PSG11: variants seen among roughly 807,000 people sequenced by gnomAD.
PSG11 encodes pregnancy-specific beta-1-glycoprotein 11.
PSG11 carries 42 observed loss-of-function variants against 36.0 expected under a neutral mutation model. The ratio of observed to expected loss-of-function variants is 1.17; its 90% CI spans 0.91 to 1.51. The LOEUF (loss-of-function observed/expected upper bound fraction) is 1.51. Ranked by LOEUF, PSG11 falls within the 40% of genes most tolerant of loss-of-function variation. The pLI, the probability that PSG11 is intolerant of heterozygous loss-of-function variation, is 0.00. For synonymous variants in PSG11, 206 were observed against 153.5 expected, an observed-to-expected ratio of 1.34 and a Z score of -2.53; for missense variants, 558 against 403.5, an observed-to-expected ratio of 1.38 and a Z score of -3.28.
chr19:43,010,951 G>C (rs1974062463), intron 4 of PSG11, among the ~76,000 whole-genome samples: 1 of 149,884 alleles, frequency 6.7e-6, no homozygotes, highest in Non-Finnish European at 1.5e-5. Flanking sequence ...CACTTCCTAT[G>C]TGCCAGGCCC....
rs145783842 is a variant in PSG11 at position 43,023,552 on chromosome 19, A to G, written c.430+1139T>C. On this transcript the variant is annotated intron_variant, in intron 2 of 5. Coordinates refer to ENST00000320078, the MANE Select transcript of PSG11 (RefSeq NM_002785.3). The stretch of plus-strand genomic sequence containing the variant: ...AGCAGGTGATTTAGTTCTGGAGTAT[A>G]GACTAATCAGCTGACCATTTGCTCT... 3.2e-4 allele frequency among the ~76,000 whole-genome samples: 49 copies of G among 151,316 alleles called. 1 individual carries two copies. Among genetic ancestry groups the G allele is most frequent in the Admixed American group, 4.6e-4 (7 of 15,160 alleles).
chr19:43,023,369 A>G (rs1967151419), intron 2 of PSG11, among the ~76,000 whole-genome samples: 1 of 150,920 alleles, frequency 6.6e-6, no homozygotes, highest in Non-Finnish European at 1.5e-5. Context: ...GTGCTGGTGT[A>G]GGGAGTGAGT....
At position 43,018,806 on chromosome 19, in the gene PSG11, C is replaced by T. The variant is rs1451915208; in HGVS notation, c.673G>A (p.Ala225Thr). Residue 225 changes from alanine to threonine, a missense_variant, in exon 3 of 6, where the codon GCC (alanine) becomes ACC (threonine). Physicochemically the swap from Ala to Thr is moderately conservative, Grantham distance 58. Transcript: ENST00000320078. Reference protein sequence around the residue: ...YECEIWNSGSASRSDPVTLNL... With the variant: ...YECEIWNSGSTSRSDPVTLNL... ...AGGGTGACTGGGTCACTGCGGCTGGCACTCCCTGAGTTCCATATTTCACAT... is the reference window on the plus strand; with the variant it reads ...AGGGTGACTGGGTCACTGCGGCTGGTACTCCCTGAGTTCCATATTTCACAT... The T allele has an allele frequency of 5.0e-6, 8 of 1,611,938 alleles. No homozygotes were observed. Among genetic ancestry groups the T allele is most frequent in the African/African-American group, 2.7e-5 (2 of 74,420 alleles).
rs548964691 is a variant in PSG11, at chr19:43,009,818, C to T, written c.*40+140G>A. The T allele has an allele frequency of 3.8e-4, 253 of 668,012 alleles. 4 individuals carry two copies. The East Asian group carries it at 5.1e-3, about 13-fold the overall frequency. 41.4% of individuals were successfully genotyped at this position (668,012 alleles called of 1,614,324 possible). ...TAAAGGCCAGGGAGAAAGGGAACTG[C>T]AGGAATTAGTGCTGAGAAGCAGGAG... On this transcript the variant is annotated intron_variant, in intron 5 of 5. Transcript: ENST00000320078.
intron 5 of PSG11, among the ~76,000 whole-genome samples, chr19:43,009,201 A>T (rs1191599765): frequency 1.3e-5 from 2 of 151,386 alleles, no homozygotes; most frequent in African/African-American, 4.9e-5. Flanking sequence ...GATCTCAACC[A>T]CACATAGGTT....
chr19:43,007,790 A>T lies in PSG11; in HGVS notation c.*293T>A, dbSNP rs1202417831. Reference sequence around the variant, plus strand: ...AAAAGTATACTTTACCAATTGCTGAAGAAAAAAATTCATAAATCTGGAGGA... The same window carrying T: ...AAAAGTATACTTTACCAATTGCTGATGAAAAAAATTCATAAATCTGGAGGA... On this transcript the variant is annotated 3_prime_UTR_variant, in exon 6 of 6. Transcript: ENST00000320078. 2.2e-5 allele frequency: 6 copies of T among 278,820 alleles called. No individual in the cohort carries two copies. The highest frequency in any genetic ancestry group is 2.8e-5 in the Non-Finnish European group (4 of 141,668). 17.3% of individuals were successfully genotyped at this position (278,820 alleles called of 1,614,324 possible). A position where few individuals can be genotyped will look rare whatever the true frequency, so the allele number is the denominator to read the frequency against.
chr19:43,025,010 C>T lies in PSG11; in HGVS notation c.111G>A (p.Met37Ile). 2 of 1,611,048 alleles carry T rather than the reference C, an allele frequency of 1.2e-6. No homozygotes were observed. Among genetic ancestry groups the T allele is most frequent in the Non-Finnish European group, 1.7e-6 (2 of 1,178,450 alleles). The change falls in exon 2 of 6, where the codon ATG (methionine) becomes ATA (isoleucine). Residue 37 changes from methionine (M) to isoleucine (I), a missense_variant. By Grantham distance (10) the Met-to-Ile change is conservative. Transcript: ENST00000320078. Reference protein sequence around the residue: ...FWNLPTTAQVMIEAQPPKVSE... With the variant: ...FWNLPTTAQVIIEAQPPKVSE... ...ACACTTTGGGTGGCTGGGCTTCAAT[C>T]ATGACTTGGGCAGTGGTAGGCAAGT...
chr19:43,010,103 C>G (rs568929057), intron 4 of PSG11, 62 bp from the exon 5 acceptor site: 2 of 1,562,908 alleles, frequency 1.3e-6, no homozygotes, highest in Non-Finnish European at 1.8e-6. Context: ...GGGGGAGCGT[C>G]AGGAACAAGC....
At chr19:43,025,224 G>T (rs1167816534) in intron 1 of PSG11, 168 bp from the exon 2 acceptor site, 2 of 1,189,126 alleles carry the variant, frequency 1.7e-6, no homozygotes, top group Non-Finnish European at 2.3e-6. Context: ...ATGTGTGTTT[G>T]TGTATGTGTA....
intron 5 of PSG11, among the ~76,000 whole-genome samples, chr19:43,008,370 T>C (rs1407550269): frequency 1.3e-5 from 2 of 151,210 alleles, no homozygotes; most frequent in Non-Finnish European, 2.9e-5. Context: ...CCTCCCGGGT[T>C]CATGCCATTC....
intron 1 of PSG11, among the ~76,000 whole-genome samples, chr19:43,025,916 CT>C (rs747657112): frequency 0.054 from 3,346 of 62,132 alleles, 208 homozygotes; most frequent in African/African-American, 0.19. Context: ...GCCTTCTTTC[CT>C]TTTTTTTTTT....
rs182878313 is a variant in PSG11, at chr19:43,007,980, G to A, written c.*103C>T. The A allele has an allele frequency of 9.5e-5, 38 of 401,618 alleles. 1 individual carries two copies. In the Admixed American group the frequency reaches 1.4e-3, roughly 15 times the overall value. The allele number at this position is 401,618 out of a possible 1,614,324, so 24.9% of individuals were successfully genotyped here. On this transcript the variant is annotated 3_prime_UTR_variant, in exon 6 of 6. Coordinates refer to ENST00000320078, the MANE Select transcript of PSG11 (RefSeq NM_002785.3). The stretch of plus-strand genomic sequence containing the variant: ...TTGAAAGTTCTTAGTCCAGTGGTAT[G>A]ATCTTGAAGTTATCAGGAACTTGTA...
intron 4 of PSG11, among the ~76,000 whole-genome samples, chr19:43,013,305 T>G (rs1362475627): frequency 4.0e-5 from 6 of 151,326 alleles, no homozygotes; most frequent in African/African-American, 1.5e-4. Context: ...AAGAACATTA[T>G]CAAGAAAGTA....
rs373996628 is a variant in PSG11, at chr19:43,019,079, G to A, written c.431-31C>T. ...CAGAAAACAGAGAGAAGATTGCCCT[G>A]TGTGGCACCTTTGATTCCTCCAAAG... On this transcript the variant is annotated intron_variant, in intron 2 of 5. Transcript: ENST00000320078. 3.1e-6 allele frequency: 5 copies of A among 1,599,922 alleles called. 1 individual carries two copies. In the South Asian group the frequency reaches 4.5e-5, roughly 14 times the overall value.
chr19:43,015,690 G>C lies in PSG11; in HGVS notation c.710-320C>G. 1.9e-6 allele frequency: 3 copies of C among 1,583,662 alleles called. No homozygotes were observed. In the South Asian group the frequency reaches 3.5e-5, roughly 19 times the overall value. On this transcript the variant is annotated intron_variant, in intron 3 of 5. Transcript: ENST00000320078. ...AGTAAAGGTGTCTGTACTTGGACCG[G>C]AGAGAGACTGAGAGGCCTGGCCCCT...
rs181765380 is a variant in PSG11, at chr19:43,009,458, T to G, written c.*40+500A>C. On this transcript the variant is annotated intron_variant, in intron 5 of 5. Coordinates refer to ENST00000320078, the MANE Select transcript of PSG11 (RefSeq NM_002785.3). ...TACTAGGAAGTAGAGGTAAAGGAAGTGAGAAGGCTTAGTAAATAGAAGAAA... is the reference window on the plus strand; with the variant it reads ...TACTAGGAAGTAGAGGTAAAGGAAGGGAGAAGGCTTAGTAAATAGAAGAAA... Among the ~76,000 whole-genome samples the G allele has an allele frequency of 2.3e-3, 354 of 151,328 alleles. 7 individuals are homozygous for G. The highest frequency in any genetic ancestry group is 3.1e-3 in the Non-Finnish European group (211 of 67,856).
intron 4 of PSG11, among the ~76,000 whole-genome samples, chr19:43,012,236 A>G (rs1974096076): frequency 6.6e-6 from 1 of 151,484 alleles, no homozygotes; most frequent in Non-Finnish European, 1.5e-5. Context: ...TATGAGCAGG[A>G]ACAAGACAAG....
chr19:43,014,585 T>C, intron 4 of PSG11: 1 of 1,015,680 alleles, frequency 9.8e-7, no homozygotes. Flanking sequence ...CACATGCTGG[T>C]CCCACCCCAG....
chr19:43,024,055 G>T (rs1267790006), intron 2 of PSG11, among the ~76,000 whole-genome samples: 4 of 151,492 alleles, frequency 2.6e-5, no homozygotes, highest in East Asian at 1.9e-4. Context: ...AAGGCAGTTG[G>T]CTGATGACCT....
Sources: gnomAD v4.1 joint callset for allele counts (sites outside exome capture counted in the v4.1 genomes callset) on GRCh38, gnomAD v4.1.1 for gene constraint, MANE v1.5 for transcripts, NCBI Gene and HGNC (gene_info 2026-07-23, HGNC 2026-07-21) for gene names.